ATG4C: variants seen among roughly 807,000 people sequenced by gnomAD.
ATG4C encodes the protein cysteine protease ATG4C.
Under a neutral mutation model 57.6 loss-of-function variants are expected in ATG4C, and 56 were observed. The ratio of observed to expected loss-of-function variants is 0.97; its 90% confidence interval spans 0.78 to 1.21. The LOEUF is 1.21. ATG4C is among the 50% of genes most tolerant of loss of function. The pLI is 0.00. For missense variants in ATG4C, 595 were observed against 529.8 expected, an observed-to-expected ratio of 1.12 and a Z score of -1.21; for synonymous variants, 157 against 174.1, an observed-to-expected ratio of 0.90 and a Z score of 0.78.
At chr1:62,785,485 A>T (rs1280576512) in intron 1 of ATG4C, among the ~76,000 whole-genome samples, 1 of 152,190 alleles carries the variant, frequency 6.6e-6, no homozygotes, top group Non-Finnish European at 1.5e-5. Context: ...TTAAAATAGG[A>T]TTCAAGTATT....
chr1:62,821,046 A>C (rs1557974574), intron 5 of ATG4C, 93 bp from the exon 6 acceptor site: 5 of 965,624 alleles, frequency 5.2e-6, no homozygotes, highest in Non-Finnish European at 4.6e-6. Context: ...GAAAGTCACA[A>C]AACTGCTGGC....
intron 10 of ATG4C, among the ~76,000 whole-genome samples, chr1:62,842,699 T>A (rs185216879): frequency 2.3e-4 from 35 of 152,280 alleles, no homozygotes; most frequent in African/African-American, 8.4e-4. Flanking sequence ...TTTAGTTTAC[T>A]TGACCTGCCA....
intron 3 of ATG4C, among the ~76,000 whole-genome samples, chr1:62,809,663 G>A (rs1018436196): frequency 6.7e-6 from 1 of 148,426 alleles, no homozygotes; most frequent in Non-Finnish European, 1.5e-5. Flanking sequence ...ATGTGCATGT[G>A]TGAAGATGTA....
At chr1:62,844,379 T>C (rs1355025350) in intron 10 of ATG4C, among the ~76,000 whole-genome samples, 1 of 152,090 alleles carries the variant, frequency 6.6e-6, no homozygotes, top group African/African-American at 2.4e-5. Flanking sequence ...TACAAGGCTA[T>C]TTAGGTTAAA....
Position 62,864,151 on chromosome 1 carries a change from T to G in ATG4C, c.1369T>G (p.Leu457Val). ...LKRFSTEEFV[L>V]L ...AAGATTTAGCACGGAAGAGTTTGTC[T>G]TGCTTTAAAGATTAGCACATTTGTG... The change falls in exon 11 of 11, where the codon TTG (leucine) becomes GTG (valine). Residue 457 changes from leucine to valine, a missense_variant. Physicochemically the swap from Leu to Val is conservative, Grantham distance 32. Coordinates refer to ENST00000317868, the MANE Select transcript of ATG4C (RefSeq NM_032852.4). 6.3e-7 allele frequency: 1 copy of G among 1,599,520 alleles called. No individual in the cohort carries two copies. Among genetic ancestry groups the G allele is most frequent in the Non-Finnish European group, 8.5e-7 (1 of 1,175,808 alleles).
At chr1:62,853,211 A>T (rs1292689216) in intron 10 of ATG4C, among the ~76,000 whole-genome samples, 1 of 152,100 alleles carries the variant, frequency 6.6e-6, no homozygotes, top group African/African-American at 2.4e-5. Context: ...ATTCTGCATT[A>T]TTTTACGCCA....
chr1:62,841,599 C>G, intron 10 of ATG4C, 52 bp downstream of exon 10: 1 of 1,405,676 alleles, frequency 7.1e-7, no homozygotes, highest in Non-Finnish European at 9.5e-7. Flanking sequence ...TTATTAGAAA[C>G]AGACTGTCAG....
chr1:62,846,628 A>G (rs1328083597), intron 10 of ATG4C, among the ~76,000 whole-genome samples: 4 of 152,134 alleles, frequency 2.6e-5, no homozygotes, highest in Non-Finnish European at 5.9e-5. Flanking sequence ...TTTGATGGCA[A>G]ATTTATCCAC....
At chr1:62,825,234 TAAAA>T (rs71045856) in intron 6 of ATG4C, among the ~76,000 whole-genome samples, 51,872 of 126,762 alleles carry the variant, frequency 0.41, 10,298 homozygotes, top group East Asian at 0.68. Context: ...AGACTCCGTC[TAAAA>T]AAAAAAAAAA....
intron 3 of ATG4C, among the ~76,000 whole-genome samples, chr1:62,812,002 G>A (rs1230471696): frequency 6.6e-6 from 1 of 152,074 alleles, no homozygotes; most frequent in African/African-American, 2.4e-5. Context: ...GTATTTTGAA[G>A]CTCTGTTGTT....
rs1002829640 is a variant in ATG4C at position 62,805,256 on chromosome 1, G to A, written c.160+1G>A. The A allele has an allele frequency of 1.3e-6, 2 of 1,503,138 alleles. No homozygotes were observed. The highest frequency in any genetic ancestry group is 2.6e-5 in the East Asian group (1 of 38,480). The allele number at this position is 1,503,138 out of a possible 1,614,324, so 93.1% of individuals were successfully genotyped here. A position where few individuals can be genotyped will look rare whatever the true frequency, so the allele number is the denominator to read the frequency against. On this transcript the variant is annotated splice_donor_variant, in intron 3 of 10. Transcript: ENST00000317868. LOFTEE classifies it high-confidence loss of function. ...AAATGTTACCATTTTAAATATGAAG[G>A]TAAGTACAAAATTTGTAAACCATTT...
intron 10 of ATG4C, among the ~76,000 whole-genome samples, chr1:62,851,618 A>G (rs979791131): frequency 6.6e-6 from 1 of 152,200 alleles, no homozygotes; most frequent in Non-Finnish European, 1.5e-5. Flanking sequence ...AACTTACAAT[A>G]AAGACTTAAA....
chr1:62,811,940 T>C (rs1665099663), intron 3 of ATG4C, among the ~76,000 whole-genome samples: 2 of 152,176 alleles, frequency 1.3e-5, no homozygotes, highest in Admixed American at 6.6e-5. Context: ...ATCATTTTGC[T>C]TAAAGTCACA....
At chr1:62,831,686 A>C (rs984960740) in intron 7 of ATG4C, among the ~76,000 whole-genome samples, 1 of 152,148 alleles carries the variant, frequency 6.6e-6, no homozygotes, top group East Asian at 1.9e-4. Context: ...CAGCTCAATA[A>C]ATTTTCACCA....
intron 10 of ATG4C, 37 bp from the exon 11 acceptor site, chr1:62,863,955 C>A: frequency 7.0e-7 from 1 of 1,434,942 alleles, no homozygotes. Context: ...TGCACTATTG[C>A]ATCCAATAAG....
intron 10 of ATG4C, among the ~76,000 whole-genome samples, chr1:62,848,995 C>T (rs1282565196): frequency 6.6e-6 from 1 of 152,092 alleles, no homozygotes; most frequent in Non-Finnish European, 1.5e-5. Context: ...TTTGTCTGTA[C>T]AGTTTCATCA....
intron 6 of ATG4C, among the ~76,000 whole-genome samples, chr1:62,824,451 C>A (rs1454171635): frequency 1.3e-5 from 2 of 152,138 alleles, no homozygotes; most frequent in Non-Finnish European, 2.9e-5. Context: ...GCAGAATTTC[C>A]TATTCGGCTC....
intron 10 of ATG4C, among the ~76,000 whole-genome samples, chr1:62,854,552 C>T (rs537570298): frequency 6.6e-6 from 1 of 152,324 alleles, no homozygotes; most frequent in East Asian, 1.9e-4. Context: ...GCTGGGATTA[C>T]AGGCATGAGC....
At chr1:62,855,261 C>T (rs1448192278) in intron 10 of ATG4C, among the ~76,000 whole-genome samples, 1 of 152,130 alleles carries the variant, frequency 6.6e-6, no homozygotes, top group Admixed American at 6.5e-5. Context: ...CATCTCCTTC[C>T]TAACTCACAA....
Sources: gnomAD v4.1 joint callset for allele counts (sites outside exome capture counted in the v4.1 genomes callset) on GRCh38, gnomAD v4.1.1 for gene constraint, MANE v1.5 for transcripts, NCBI Gene and HGNC (gene_info 2026-07-23, HGNC 2026-07-21) for gene names.